Variants in CSGALNACT1 observed in about 807,000 individuals in gnomAD.
CSGALNACT1 encodes the protein beta4GalNAcT-1.
Under a neutral mutation model 51.0 loss-of-function variants are expected in CSGALNACT1, and 52 were observed. The observed-to-expected ratio is 1.02, with a 90% CI of 0.82 to 1.29. CSGALNACT1 has a LOEUF of 1.29. Among genes scored for constraint, CSGALNACT1 ranks in the 50% most tolerant of loss-of-function variants. CSGALNACT1 has a pLI of 0.00. For missense variants in CSGALNACT1, 935 were observed against 679.2 expected (o/e 1.38, Z -4.19); for synonymous variants, 341 against 254.4 (o/e 1.34, Z -3.24).
chr8:19,540,604 T>C (rs1051063248), intron 3 of CSGALNACT1, among the ~76,000 whole-genome samples: 3 of 152,216 alleles, frequency 2.0e-5, no homozygotes, highest in African/African-American at 7.2e-5. Context: ...CTTAATGTGG[T>C]GGGCCAGGTT....
chr8:19,728,972 G>A (rs901142052), intron 1 of CSGALNACT1, among the ~76,000 whole-genome samples: 1 of 151,958 alleles, frequency 6.6e-6, no homozygotes, highest in African/African-American at 2.4e-5. Context: ...GTTTACTAAG[G>A]GAAAATTTTC....
exon 10 of CSGALNACT1, chr8:19,405,405 T>C: frequency 2.2e-6 from 1 of 464,372 alleles, no homozygotes; most frequent in Non-Finnish European, 4.3e-6. Flanking sequence ...AGAAATATGC[T>C]TGCCTTTCAT....
chr8:19,662,356 G>A (rs2058836046), intron 1 of CSGALNACT1, among the ~76,000 whole-genome samples: 5 of 151,992 alleles, frequency 3.3e-5, no homozygotes, highest in Admixed American at 3.3e-4. Flanking sequence ...ACTCCAGTCT[G>A]GGCGACAGAG....
chr8:19,691,074 AGAGT>A (rs1302927766), intron 1 of CSGALNACT1, among the ~76,000 whole-genome samples: 2 of 152,234 alleles, frequency 1.3e-5, no homozygotes, highest in African/African-American at 4.8e-5. Context: ...CTTGGACAAC[AGAGT>A]GAGACCTAGT....
In CSGALNACT1 at chr8:19,737,052, A is replaced by C. The variant is rs115311755; in HGVS notation, c.-297+20798T>G. On this transcript the variant is annotated intron_variant, in intron 1 of 1. Transcript: ENST00000517494. ...GCATGTTTCTATAAATATCAATTCA[A>C]TTTAAAACTGACTTCTCAAAAGCCA... Among the ~76,000 whole-genome samples, 1,173 of 152,286 alleles carry C rather than the reference A, an allele frequency of 7.7e-3. 17 individuals carry two copies. The highest frequency in any genetic ancestry group is 0.025 in the African/African-American group (1,052 of 41,576).
chr8:19,616,253 T>C (rs532506403), intron 1 of CSGALNACT1, among the ~76,000 whole-genome samples: 2 of 152,360 alleles, frequency 1.3e-5, no homozygotes, highest in East Asian at 3.9e-4. Context: ...TATTTCTTTA[T>C]GCTACTTGTT....
intron 8 of CSGALNACT1, among the ~76,000 whole-genome samples, chr8:19,415,669 C>A (rs1353940325): frequency 6.6e-6 from 1 of 152,170 alleles, no homozygotes; most frequent in Non-Finnish European, 1.5e-5. Context: ...CAATTCCTTG[C>A]AAGCAAATAA....
intron 3 of CSGALNACT1, among the ~76,000 whole-genome samples, chr8:19,555,617 C>T (rs993523716): frequency 6.6e-6 from 1 of 152,148 alleles, no homozygotes; most frequent in Admixed American, 6.5e-5. Flanking sequence ...CACCTGTGAG[C>T]ATCAAAGCAC....
intron 8 of CSGALNACT1, among the ~76,000 whole-genome samples, 174 bp from the exon 8 acceptor site, chr8:19,408,868 C>G (rs1356067952): frequency 1.3e-5 from 2 of 151,736 alleles, no homozygotes; most frequent in Non-Finnish European, 1.5e-5. Flanking sequence ...GTCAGGAATA[C>G]AGTACACACA....
intron 4 of CSGALNACT1, among the ~76,000 whole-genome samples, chr8:19,491,414 T>C (rs2074332377): frequency 6.6e-6 from 1 of 152,206 alleles, no homozygotes; most frequent in Non-Finnish European, 1.5e-5. Flanking sequence ...ATGAATATTT[T>C]GAACGTTCTT....
chr8:19,679,300 C>T (rs899209813), intron 1 of CSGALNACT1, among the ~76,000 whole-genome samples: 6 of 151,648 alleles, frequency 4.0e-5, no homozygotes, highest in African/African-American at 7.3e-5. Context: ...AAACAAAATA[C>T]AAAAATTAGT....
chr8:19,448,252 C>T (rs763984974), intron 5 of CSGALNACT1, among the ~76,000 whole-genome samples: 1 of 152,136 alleles, frequency 6.6e-6, no homozygotes, highest in Non-Finnish European at 1.5e-5. Context: ...TCTAGGGAAT[C>T]GTGGATTCAA....
chr8:19,672,934 C>G (rs1313921942), intron 1 of CSGALNACT1, among the ~76,000 whole-genome samples: 1 of 152,192 alleles, frequency 6.6e-6, no homozygotes, highest in East Asian at 1.9e-4. Context: ...ACTGTTTAGC[C>G]AATGGAAACC....
chr8:19,510,708 A>C (rs1481198104), intron 3 of CSGALNACT1, among the ~76,000 whole-genome samples: 1 of 152,196 alleles, frequency 6.6e-6, no homozygotes, highest in East Asian at 1.9e-4. Context: ...AGATGGGAGG[A>C]TCTGAAAAGT....
intron 4 of CSGALNACT1, among the ~76,000 whole-genome samples, chr8:19,482,984 C>T (rs1288449835): frequency 6.6e-6 from 1 of 152,112 alleles, no homozygotes; most frequent in African/African-American, 2.4e-5. Flanking sequence ...ATCCTTCACA[C>T]CTCCCTCTCC....
intron 1 of CSGALNACT1, among the ~76,000 whole-genome samples, chr8:19,728,475 G>T (rs984910629): frequency 6.6e-6 from 1 of 152,158 alleles, no homozygotes; most frequent in East Asian, 1.9e-4. Context: ...CAACTCACTG[G>T]TGTGAGCTGA....
chr8:19,417,274 A>G (rs147111660), intron 8 of CSGALNACT1, among the ~76,000 whole-genome samples: 338 of 152,322 alleles, frequency 2.2e-3, no homozygotes, highest in African/African-American at 7.7e-3. Flanking sequence ...CACTAGGGGA[A>G]AAGAGAACTG....
chr8:19,700,704 A>G (rs1473808608), intron 1 of CSGALNACT1, among the ~76,000 whole-genome samples: 1 of 152,160 alleles, frequency 6.6e-6, no homozygotes, highest in Non-Finnish European at 1.5e-5. Context: ...TTAAAGGCAA[A>G]TCTTAACATA....
At chr8:19,746,665 C>G (rs763444962) in intron 1 of CSGALNACT1, among the ~76,000 whole-genome samples, 1 of 152,186 alleles carries the variant, frequency 6.6e-6, no homozygotes, top group Non-Finnish European at 1.5e-5. Flanking sequence ...TTTTGCTAAT[C>G]ATTGGTTCTC....
Sources: allele counts gnomAD v4.1 joint callset (sites outside exome capture counted in the v4.1 genomes callset), GRCh38; gene constraint gnomAD v4.1.1; transcripts MANE v1.5; gene names NCBI Gene and HGNC (gene_info 2026-07-23, HGNC 2026-07-21).